Variants in ARL5A observed in about 807,000 individuals in gnomAD.
ARL5A encodes the protein ADP-ribosylation factor-like protein 5A.
ARL5A carries 18 observed loss-of-function variants against 25.9 expected under a neutral mutation model. That is an observed-to-expected ratio of 0.69 (90% confidence interval 0.48 to 1.03). The LOEUF (loss-of-function observed/expected upper bound fraction) is 1.03, where lower values mean the gene tolerates loss of function less well. Among genes scored for constraint, ARL5A ranks in the 50% least tolerant of loss-of-function variants. The probability of loss-of-function intolerance (pLI) is 0.00; values close to 1 mark genes in which losing one functional copy is unlikely to be tolerated. For synonymous variants in ARL5A, 61 were observed against 67.5 expected, an observed-to-expected ratio of 0.90 and a Z score of 0.47; for missense variants, 170 against 211.9, an observed-to-expected ratio of 0.80 and a Z score of 1.23.
At chr2:151,807,345 C>T (rs978002376) in intron 4 of ARL5A, among the ~76,000 whole-genome samples, 2 of 152,142 alleles carry the variant, frequency 1.3e-5, no homozygotes, top group East Asian at 1.9e-4. Context: ...CACATCACTC[C>T]TATATAAGTA....
intron 4 of ARL5A, among the ~76,000 whole-genome samples, chr2:151,807,708 G>C (rs910453992): frequency 3.9e-5 from 6 of 152,122 alleles, no homozygotes; most frequent in African/African-American, 1.4e-4. Flanking sequence ...AGATTTCTTA[G>C]ATTTGAATAT....
intron 1 of ARL5A, among the ~76,000 whole-genome samples, chr2:151,818,947 C>T (rs545436501): frequency 6.6e-6 from 1 of 152,212 alleles, no homozygotes; most frequent in East Asian, 1.9e-4. Flanking sequence ...CCCCATTCCC[C>T]CAATGTATTA....
intron 1 of ARL5A, among the ~76,000 whole-genome samples, chr2:151,824,130 C>T (rs2099832708): frequency 6.6e-6 from 1 of 152,224 alleles, no homozygotes; most frequent in African/African-American, 2.4e-5. Context: ...AGAAACCATA[C>T]TTCGAGTACC....
intron 1 of ARL5A, among the ~76,000 whole-genome samples, chr2:151,823,418 C>T (rs2099832620): frequency 6.6e-6 from 1 of 151,404 alleles, no homozygotes; most frequent in Non-Finnish European, 1.5e-5. Context: ...TTTTCTTTTG[C>T]ACTATGAGGT....
chr2:151,811,793 A>G (rs938772576), intron 4 of ARL5A, among the ~76,000 whole-genome samples: 1 of 152,070 alleles, frequency 6.6e-6, no homozygotes, highest in African/African-American at 2.4e-5. Flanking sequence ...GCTGGTCTTG[A>G]ACTCTTGGGC....
rs188840550 is a variant in ARL5A, at chr2:151,800,337, T to C, written c.*2939A>G. ...TATGCTGAGACAAAAAGGAAAACAA[T>C]GTCAGGGACTTCATGCCTTTGCTCA... On this transcript the variant is annotated 3_prime_UTR_variant, in exon 6 of 6. Transcript: ENST00000295087. The C allele has an allele frequency of 2.0e-5, 3 of 152,320 alleles. No individual in the cohort carries two copies. The highest frequency in any genetic ancestry group is 2.0e-4 in the Admixed American group (3 of 15,288). The allele number at this position is 152,320 out of a possible 1,614,324, so 9.4% of individuals were successfully genotyped here.
At position 151,815,195 on chromosome 2, in the gene ARL5A, G is replaced by A. The variant is rs1477621261; in HGVS notation, c.51C>T (p.His17=). Residue 17 remains histidine (H), a synonymous_variant, in exon 2 of 6, where the codon CAC becomes CAT. Transcript: ENST00000295087. ...TATCCAGCCCAACAATGATAACTTT[G>A]TGCTCTGAAATAGAGAAAACACCAG... is the stretch of plus-strand genomic sequence containing the variant. ...RIWRLFNHQE[H]KVIIVGLDNA... is the part of the protein sequence containing the mutation. 3 of 1,604,374 alleles carry A rather than the reference G, an allele frequency of 1.9e-6. No individual in the cohort carries two copies. Among genetic ancestry groups the A allele is most frequent in the African/African-American group, 2.7e-5 (2 of 74,472 alleles).
At position 151,808,715 on chromosome 2, in the gene ARL5A, T is replaced by C. The variant is rs565466331; in HGVS notation, c.340-1743A>G. 4.6e-5 allele frequency among the ~76,000 whole-genome samples: 7 copies of C among 152,296 alleles called. No individual in the cohort carries two copies. The East Asian group carries it at 1.4e-3, about 29-fold the overall frequency. ...ATACATATAGTCATTATCAAGGATA[T>C]ACAGTAAATATTTTTTCTTTTCTCC... On this transcript the variant is annotated intron_variant, in intron 4 of 5. Coordinates refer to ENST00000295087, the MANE Select transcript of ARL5A (RefSeq NM_012097.4).
intron 1 of ARL5A, among the ~76,000 whole-genome samples, chr2:151,818,744 C>T (rs1420254418): frequency 3.3e-5 from 5 of 152,104 alleles, no homozygotes; most frequent in African/African-American, 1.2e-4. Context: ...GATGTAACTC[C>T]TCTTCAGTTT....
chr2:151,828,082 C>T, intron 1 of ARL5A, 49 bp downstream of exon 1: 1 of 1,592,188 alleles, frequency 6.3e-7, no homozygotes, highest in Non-Finnish European at 8.6e-7. Flanking sequence ...CTAGCCGGCC[C>T]GAGCTGACCC....
In ARL5A at chr2:151,799,003, T is replaced by C. The variant is rs2099829061; in HGVS notation, c.*4273A>G. On this transcript the variant is annotated 3_prime_UTR_variant, in exon 6 of 6. Coordinates refer to ENST00000295087, the MANE Select transcript of ARL5A (RefSeq NM_012097.4). ...AGAAATACTGCATAACTAATCCAAG[T>C]GTATCCTGGAACATTTCTTCACAAT... 1 of 152,192 alleles carries C rather than the reference T, an allele frequency of 6.6e-6. No homozygotes were observed. Among genetic ancestry groups the C allele is most frequent in the Non-Finnish European group, 1.5e-5 (1 of 68,022 alleles). 9.4% of individuals were successfully genotyped at this position (152,192 alleles called of 1,614,324 possible).
intron 1 of ARL5A, among the ~76,000 whole-genome samples, chr2:151,822,100 G>A (rs528128192): frequency 3.3e-5 from 5 of 151,996 alleles, no homozygotes; most frequent in Middle Eastern, 3.4e-3. Flanking sequence ...CACCTGCCTC[G>A]GCCTGCCAAA....
chr2:151,803,027 G>C lies in ARL5A; in HGVS notation c.*249C>G, dbSNP rs551928004. ...CTTACCATAGGCTACACAATGTCCT[G>C]AGAGGATTCATTATGAGAAAAATGT... On this transcript the variant is annotated 3_prime_UTR_variant, in exon 6 of 6. Transcript: ENST00000295087. 2 of 459,638 alleles carry C rather than the reference G, an allele frequency of 4.4e-6. No individual in the cohort carries two copies. The highest frequency in any genetic ancestry group is 8.1e-5 in the East Asian group (2 of 24,844). 28.5% of individuals were successfully genotyped at this position (459,638 alleles called of 1,614,324 possible).
At position 151,815,207 on chromosome 2, in the gene ARL5A, A is replaced by G. The variant is rs750102786; in HGVS notation, c.47-8T>C. 2.5e-6 allele frequency: 4 copies of G among 1,595,450 alleles called. No homozygotes were observed. In the South Asian group the frequency reaches 4.6e-5, roughly 18 times the overall value. On this transcript the variant is annotated splice_region_variant and splice_polypyrimidine_tract_variant and intron_variant, in intron 1 of 5. Transcript: ENST00000295087. ...CAATGATAACTTTGTGCTCTGAAAT[A>G]GAGAAAACACCAGTGATTTTTTTTC... is the stretch of plus-strand genomic sequence containing the variant.
chr2:151,822,164 G>A (rs934859854), intron 1 of ARL5A, among the ~76,000 whole-genome samples: 5 of 151,810 alleles, frequency 3.3e-5, no homozygotes, highest in Admixed American at 2.0e-4. Context: ...GAAGTTTACT[G>A]TGCCTGGCCT....
intron 1 of ARL5A, among the ~76,000 whole-genome samples, chr2:151,821,110 C>T (rs1013483105): frequency 6.6e-6 from 1 of 152,200 alleles, no homozygotes; most frequent in African/African-American, 2.4e-5. Context: ...AGCTGCTCTA[C>T]TCAGTCTCTA....
intron 1 of ARL5A, among the ~76,000 whole-genome samples, chr2:151,821,775 C>CTTTT (rs760341359): frequency 1.5e-4 from 17 of 113,538 alleles, no homozygotes; most frequent in African/African-American, 5.1e-4. Flanking sequence ...GCCCGGCTTT[C>CTTTT]TTTTTTTTTT....
rs1418917712 is a variant in ARL5A at position 151,802,725 on chromosome 2, G to A, written c.*551C>T. 6.6e-6 allele frequency: 1 copy of A among 152,446 alleles called. No individual in the cohort carries two copies. Among genetic ancestry groups the A allele is most frequent in the Admixed American group, 6.6e-5 (1 of 15,248 alleles). 9.4% of individuals were successfully genotyped at this position (152,446 alleles called of 1,614,324 possible). ...CTAATGCCAATACTTATCTCATTGT[G>A]GTTATAACGAAGGATATTATTATTT... is the stretch of plus-strand genomic sequence containing the variant. On this transcript the variant is annotated 3_prime_UTR_variant, in exon 6 of 6. Coordinates refer to ENST00000295087, the MANE Select transcript of ARL5A (RefSeq NM_012097.4).
intron 1 of ARL5A, among the ~76,000 whole-genome samples, chr2:151,823,488 G>A (rs2151297648): frequency 6.6e-6 from 1 of 152,084 alleles, no homozygotes; most frequent in African/African-American, 2.4e-5. Context: ...TCAGGAGGCA[G>A]AAATCACACA....
Sources: gnomAD v4.1 joint callset for allele counts (sites outside exome capture counted in the v4.1 genomes callset) on GRCh38, gnomAD v4.1.1 for gene constraint, MANE v1.5 for transcripts, NCBI Gene and HGNC (gene_info 2026-07-23, HGNC 2026-07-21) for gene names.